Variants in TBC1D5 observed in about 807,000 individuals in gnomAD.
TBC1D5 encodes the protein TBC1 domain family member 5.
A neutral mutation model predicts 100.3 loss-of-function variants in TBC1D5; 75 were observed. The observed-to-expected ratio is 0.75, with a 90% CI of 0.62 to 0.91. TBC1D5 has a LOEUF of 0.91. TBC1D5 is among the 40% of genes least tolerant of loss of function. TBC1D5 has a pLI of 0.00. For missense variants in TBC1D5, 910 were observed against 942.4 expected (o/e 0.97, Z 0.45); for synonymous variants, 323 against 325.6 (o/e 0.99, Z 0.09).
At chr3:17,513,640 T>C (rs910293307) in intron 2 of TBC1D5, among the ~76,000 whole-genome samples, 19 of 152,194 alleles carry the variant, frequency 1.2e-4, no homozygotes, top group Non-Finnish European at 2.1e-4. Flanking sequence ...ATTTAAATTC[T>C]TGACTGATGG....
intron 15 of TBC1D5, among the ~76,000 whole-genome samples, chr3:17,281,831 C>T (rs1008916638): frequency 6.6e-6 from 1 of 151,918 alleles, no homozygotes; most frequent in Non-Finnish European, 1.5e-5. Context: ...AGTTAATATA[C>T]TTAAGAGGCA....
chr3:17,506,156 T>C (rs1369187250), intron 3 of TBC1D5, among the ~76,000 whole-genome samples: 2 of 152,148 alleles, frequency 1.3e-5, no homozygotes, highest in African/African-American at 4.8e-5. Context: ...AAAGCCCAGG[T>C]AAGACATATA....
chr3:17,641,823 A>G (rs891770749), intron 1 of TBC1D5, among the ~76,000 whole-genome samples: 4 of 152,130 alleles, frequency 2.6e-5, no homozygotes, highest in African/African-American at 9.7e-5. Context: ...TAGAATTGTA[A>G]ATTTCAAATT....
chr3:17,689,460 G>A (rs116506547), intron 1 of TBC1D5, among the ~76,000 whole-genome samples: 1,646 of 149,034 alleles, frequency 0.011, 21 homozygotes, highest in African/African-American at 0.038. Flanking sequence ...GATCGCTTGA[G>A]TTGGGAAGGT....
chr3:17,731,504 C>CAA (rs11306215), intron 1 of TBC1D5, among the ~76,000 whole-genome samples: 28 of 90,740 alleles, frequency 3.1e-4, no homozygotes, highest in South Asian at 7.3e-4. Context: ...GACTCTGTCT[C>CAA]AAAAAAAAAA....
intron 21 of TBC1D5, among the ~76,000 whole-genome samples, chr3:17,166,153 A>G (rs948863748): frequency 6.6e-6 from 1 of 152,160 alleles, no homozygotes. Flanking sequence ...AATGGTTTAT[A>G]TATTTTTAAA....
At chr3:17,721,002 A>G (rs1021707037) in intron 1 of TBC1D5, among the ~76,000 whole-genome samples, 1 of 151,644 alleles carries the variant, frequency 6.6e-6, no homozygotes, top group African/African-American at 2.4e-5. Context: ...ACAACGCCTG[A>G]GTAATTTTTG....
chr3:17,467,844 C>T (rs988563872), intron 3 of TBC1D5, among the ~76,000 whole-genome samples: 1 of 152,068 alleles, frequency 6.6e-6, no homozygotes, highest in African/African-American at 2.4e-5. Flanking sequence ...TTGCAATGAG[C>T]CGAGATCATG....
chr3:17,496,877 A>G (rs1300576250), intron 3 of TBC1D5, among the ~76,000 whole-genome samples: 1 of 152,128 alleles, frequency 6.6e-6, no homozygotes, highest in Non-Finnish European at 1.5e-5. Flanking sequence ...TTTAGATATA[A>G]TCTGCACTCT....
chr3:17,352,683 C>CAAAAAAAAAAAAAAAAA lies in TBC1D5; in HGVS notation c.995+19391_995+19392insTTTTTTTTTTTTTTTTT, dbSNP rs1363926293. 1.5e-3 allele frequency among the ~76,000 whole-genome samples: 143 copies of CAAAAAAAAAAAAAAAAA among 94,858 alleles called. 2 individuals carry two copies. Among genetic ancestry groups the CAAAAAAAAAAAAAAAAA allele is most frequent in the Middle Eastern group, 6.2e-3 (1 of 162 alleles). 62.2% of individuals were successfully genotyped at this position (94,858 alleles called of 152,430 possible). On this transcript the variant is annotated intron_variant, in intron 13 of 21. Transcript: ENST00000253692. ...TCTAACTACAATACAAAGCAAAAGG[C>CAAAAAAAAAAAAAAAAA]AAAAAAAAAAAAAAAACAAAAAAAC...
At chr3:17,283,104 T>C (rs1444008874) in intron 15 of TBC1D5, among the ~76,000 whole-genome samples, 4 of 152,254 alleles carry the variant, frequency 2.6e-5, no homozygotes, top group Admixed American at 2.6e-4. Context: ...AAAGCCCAGT[T>C]GGAATGTTTC....
intron 21 of TBC1D5, among the ~76,000 whole-genome samples, chr3:17,165,407 A>G (rs1163780409): frequency 2.0e-5 from 3 of 152,252 alleles, no homozygotes; most frequent in African/African-American, 4.8e-5. Context: ...GCTCAGTAAT[A>G]TTTGAATAAA....
At chr3:17,596,662 T>C (rs1286315134) in intron 2 of TBC1D5, among the ~76,000 whole-genome samples, 3 of 145,498 alleles carry the variant, frequency 2.1e-5, no homozygotes, top group Admixed American at 6.9e-5. Context: ...GTGAGCAGAT[T>C]TGCCCTCCAG....
chr3:17,721,751 C>T (rs1388347881), intron 1 of TBC1D5, among the ~76,000 whole-genome samples: 1 of 151,682 alleles, frequency 6.6e-6, no homozygotes, highest in Non-Finnish European at 1.5e-5. Context: ...GAAGCCGAGG[C>T]GGGCAGATTC....
chr3:17,454,483 G>A (rs942142188), intron 3 of TBC1D5, among the ~76,000 whole-genome samples: 12 of 151,734 alleles, frequency 7.9e-5, no homozygotes, highest in Admixed American at 7.9e-4. Context: ...TTTCTGAGAT[G>A]GAGTCTCGCT....
At chr3:17,363,236 C>T (rs759798219) in intron 13 of TBC1D5, among the ~76,000 whole-genome samples, 15 of 152,064 alleles carry the variant, frequency 9.9e-5, no homozygotes, top group Non-Finnish European at 2.2e-4. Flanking sequence ...CTGTGATAAA[C>T]ATATCTATAC....
chr3:17,269,650 C>A lies in TBC1D5; in HGVS notation c.1246-11059G>T, dbSNP rs1320294336. Among the ~76,000 whole-genome samples the A allele has an allele frequency of 2.0e-5, 3 of 151,998 alleles. No homozygotes were observed. In the East Asian group the frequency reaches 5.8e-4, roughly 29 times the overall value. On this transcript the variant is annotated intron_variant, in intron 15 of 21. Transcript: ENST00000253692. ...TGGGTCTTGTCTCCCTCCCTCCCTC[C>A]CTCCCTCCTTCTGGAGTCTCTAGTG...
Position 17,298,377 on chromosome 3 carries a change from AT to A in TBC1D5, c.1139-6377del, listed in dbSNP as rs2082476756. ...TTTTAAAATCTCAACTTTCTCTCACATTCCAGTGGAAGAGAAACATAAAATT... is the reference window on the plus strand; with the variant it reads ...TTTTAAAATCTCAACTTTCTCTCACATCCAGTGGAAGAGAAACATAAAATT... On this transcript the variant is annotated intron_variant, in intron 14 of 21. Coordinates refer to ENST00000253692, the Ensembl canonical transcript of TBC1D5. Among the ~76,000 whole-genome samples, 3 of 152,320 alleles carry A rather than the reference AT, an allele frequency of 2.0e-5. No homozygotes were observed. In the South Asian group the frequency reaches 6.2e-4, roughly 32 times the overall value.
chr3:17,190,692 G>T (rs2069768912), intron 18 of TBC1D5, among the ~76,000 whole-genome samples: 1 of 152,154 alleles, frequency 6.6e-6, no homozygotes, highest in Non-Finnish European at 1.5e-5. Flanking sequence ...AGGCTGCAGT[G>T]GTGTTTCTGT....
Sources: allele counts gnomAD v4.1 joint callset (sites outside exome capture counted in the v4.1 genomes callset), GRCh38; gene constraint gnomAD v4.1.1; transcripts MANE v1.5; gene names NCBI Gene and HGNC (gene_info 2026-07-23, HGNC 2026-07-21).